Variants in SLC9A9 observed in about 807,000 individuals in gnomAD.
The protein encoded by SLC9A9 is solute carrier family 9 member A9.
Under a neutral mutation model 77.8 loss-of-function variants are expected in SLC9A9, and 62 were observed. The observed-to-expected ratio is 0.80, with a 90% CI of 0.65 to 0.98. The LOEUF (loss-of-function observed/expected upper bound fraction) is 0.98, where lower values mean the gene tolerates loss of function less well. SLC9A9 is among the 50% of genes least tolerant of loss of function. The pLI, the probability that SLC9A9 is intolerant of heterozygous loss-of-function variation, is 0.00. For missense variants in SLC9A9, 775 were observed against 774.9 expected, an observed-to-expected ratio of 1.00 and a Z score of 0.00; for synonymous variants, 320 against 283.5, an observed-to-expected ratio of 1.13 and a Z score of -1.29.
intron 14 of SLC9A9, among the ~76,000 whole-genome samples, chr3:143,334,105 T>C (rs1177388217): frequency 6.6e-6 from 1 of 152,214 alleles, no homozygotes; most frequent in Non-Finnish European, 1.5e-5. Flanking sequence ...TATATGCCAA[T>C]CAATTGGAAT....
At chr3:143,760,037 C>A (rs1011523261) in intron 4 of SLC9A9, among the ~76,000 whole-genome samples, 1 of 152,028 alleles carries the variant, frequency 6.6e-6, no homozygotes, top group East Asian at 1.9e-4. Context: ...AGAGCCATAC[C>A]TTCATTTGAA....
At position 143,704,996 on chromosome 3, in the gene SLC9A9, T is replaced by TATCTATCTATCTATC. The variant is rs397958231; in HGVS notation, c.534-11704_534-11690dup. On this transcript the variant is annotated intron_variant, in intron 4 of 15. Transcript: ENST00000316549. ...AAGAAGAGTGAAACTCCATCTCAAA[T>TATCTATCTATCTATC]ATCTATCTATCTATCTATCTATCTA... 7.8e-3 allele frequency among the ~76,000 whole-genome samples: 210 copies of TATCTATCTATCTATC among 26,774 alleles called. 4 individuals carry two copies. The highest frequency in any genetic ancestry group is 0.02 in the Middle Eastern group (1 of 50). The allele number at this position is 26,774 out of a possible 152,430, so 17.6% of individuals were successfully genotyped here.
intron 8 of SLC9A9, among the ~76,000 whole-genome samples, chr3:143,569,363 A>G (rs1478452519): frequency 6.6e-6 from 1 of 151,906 alleles, no homozygotes; most frequent in East Asian, 1.9e-4. Flanking sequence ...ACACATACAC[A>G]TACATGTATG....
chr3:143,715,885 G>A (rs1934331372), intron 4 of SLC9A9, among the ~76,000 whole-genome samples: 1 of 152,162 alleles, frequency 6.6e-6, no homozygotes, highest in East Asian at 1.9e-4. Context: ...GTCCAAAGAG[G>A]TATGATTTGC....
At chr3:143,706,887 G>C (rs1933995888) in intron 4 of SLC9A9, among the ~76,000 whole-genome samples, 1 of 152,104 alleles carries the variant, frequency 6.6e-6, no homozygotes, top group African/African-American at 2.4e-5. Context: ...ATCCTTCTTA[G>C]AGTGTGTCCC....
chr3:143,578,825 T>C lies in SLC9A9; in HGVS notation c.756-102A>G, dbSNP rs1175707140. ...GGAGAGGTATCTTTCCCTGTAATGT[T>C]GGGTGCTGGTTGGAAGAGTTAGGGG... On this transcript the variant is annotated intron_variant, in intron 6 of 15. Coordinates refer to ENST00000316549, the MANE Select transcript of SLC9A9 (RefSeq NM_173653.4). 5 of 1,401,842 alleles carry C rather than the reference T, an allele frequency of 3.6e-6. No individual in the cohort carries two copies. The East Asian group carries it at 9.2e-5, about 26-fold the overall frequency. 86.8% of individuals were successfully genotyped at this position (1,401,842 alleles called of 1,614,324 possible). A position where few individuals can be genotyped will look rare whatever the true frequency, so the allele number is the denominator to read the frequency against.
At chr3:143,620,990 T>A (rs1169787929) in intron 6 of SLC9A9, among the ~76,000 whole-genome samples, 3 of 152,088 alleles carry the variant, frequency 2.0e-5, no homozygotes, top group Non-Finnish European at 4.4e-5. Flanking sequence ...GCTCAGAGGG[T>A]CCTATGCCCA....
intron 1 of SLC9A9, among the ~76,000 whole-genome samples, chr3:143,839,501 TACACAC>T (rs57906338): frequency 0.86 from 129,891 of 150,166 alleles, 57,844 homozygotes; most frequent in South Asian, 0.97. Flanking sequence ...ACAACACACA[TACACAC>T]ACACACACAC....
intron 14 of SLC9A9, among the ~76,000 whole-genome samples, chr3:143,289,186 G>C (rs1053869321): frequency 2.0e-5 from 3 of 152,120 alleles, no homozygotes; most frequent in Non-Finnish European, 2.9e-5. Flanking sequence ...CAGGGCCCTT[G>C]TCTACACCAG....
chr3:143,390,485 C>G (rs1408871397), intron 12 of SLC9A9, among the ~76,000 whole-genome samples: 4 of 152,088 alleles, frequency 2.6e-5, no homozygotes, highest in Non-Finnish European at 5.9e-5. Flanking sequence ...CCAAGATGGC[C>G]AAATAAGAAC....
At chr3:143,618,849 T>G (rs1291210876) in intron 6 of SLC9A9, among the ~76,000 whole-genome samples, 1 of 152,190 alleles carries the variant, frequency 6.6e-6, no homozygotes, top group Non-Finnish European at 1.5e-5. Context: ...CAGATAGAAT[T>G]TCCTATCTAC....
intron 4 of SLC9A9, among the ~76,000 whole-genome samples, chr3:143,756,169 C>T (rs2006917976): frequency 6.6e-6 from 1 of 152,120 alleles, no homozygotes; most frequent in Non-Finnish European, 1.5e-5. Context: ...TAGACTGTCT[C>T]ATACAGAGAA....
At chr3:143,358,909 C>A (rs915714802) in intron 14 of SLC9A9, among the ~76,000 whole-genome samples, 2 of 152,160 alleles carry the variant, frequency 1.3e-5, no homozygotes, top group Non-Finnish European at 2.9e-5. Context: ...TGTGCCAGAT[C>A]GTTGTACTAA....
chr3:143,376,749 A>T (rs1178867588), intron 13 of SLC9A9, among the ~76,000 whole-genome samples: 2 of 152,254 alleles, frequency 1.3e-5, no homozygotes, highest in African/African-American at 4.8e-5. Flanking sequence ...AAGTATAACC[A>T]AAATAAATTC....
chr3:143,356,009 C>A (rs1231439363), intron 14 of SLC9A9, among the ~76,000 whole-genome samples: 1 of 151,994 alleles, frequency 6.6e-6, no homozygotes, highest in Non-Finnish European at 1.5e-5. Flanking sequence ...GGGAAAAAAG[C>A]AAAACAAAGC....
chr3:143,325,903 A>G (rs944303422), intron 14 of SLC9A9, among the ~76,000 whole-genome samples: 1 of 152,224 alleles, frequency 6.6e-6, no homozygotes, highest in Non-Finnish European at 1.5e-5. Flanking sequence ...CATGCCCTCA[A>G]TAAAGAGTTA....
intron 12 of SLC9A9, among the ~76,000 whole-genome samples, chr3:143,385,792 G>A (rs2033410258): frequency 6.6e-6 from 1 of 152,144 alleles, no homozygotes; most frequent in Admixed American, 6.5e-5. Context: ...AGGGTCTTTA[G>A]CACCTCTCCC....
intron 6 of SLC9A9, among the ~76,000 whole-genome samples, chr3:143,636,170 T>C (rs1441818688): frequency 1.3e-5 from 2 of 152,218 alleles, no homozygotes; most frequent in East Asian, 3.8e-4. Context: ...GGTGTCTTTT[T>C]GGTCCTTTAC....
intron 1 of SLC9A9, among the ~76,000 whole-genome samples, chr3:143,841,780 C>CAG (rs112244855): frequency 0.93 from 140,268 of 151,294 alleles, 65,369 homozygotes; most frequent in East Asian, 1. Flanking sequence ...TTTTTTGATA[C>CAG]AGTCTTCCCG....
Sources: gnomAD v4.1 joint callset for allele counts (sites outside exome capture counted in the v4.1 genomes callset) on GRCh38, gnomAD v4.1.1 for gene constraint, MANE v1.5 for transcripts, NCBI Gene and HGNC (gene_info 2026-07-23, HGNC 2026-07-21) for gene names.